Variants in PTPRD observed in about 807,000 individuals in gnomAD.
PTPRD encodes the protein protein tyrosine phosphatase receptor type D.
PTPRD carries 34 observed loss-of-function variants against 214.5 expected under a neutral mutation model. That is an observed-to-expected ratio of 0.16 (90% CI 0.12 to 0.21). The LOEUF is 0.21. Among genes scored for constraint, PTPRD ranks in the 10% least tolerant of loss-of-function variants. The probability of loss-of-function intolerance (pLI) is 1.00; values close to 1 mark genes in which losing one functional copy is unlikely to be tolerated. For synonymous variants in PTPRD, 1,128 were observed against 845.7 expected (o/e 1.33, Z -5.79); for missense variants, 2,545 against 2,398.7 (o/e 1.06, Z -1.27).
intron 11 of PTPRD, among the ~76,000 whole-genome samples, chr9:8,884,590 A>G (rs1054637527): frequency 6.6e-6 from 1 of 152,228 alleles, no homozygotes; most frequent in Non-Finnish European, 1.5e-5. Context: ...GGGAGGGAGC[A>G]GACTAGACTA....
intron 8 of PTPRD, among the ~76,000 whole-genome samples, chr9:9,458,162 A>G (rs1055812196): frequency 6.6e-6 from 1 of 151,918 alleles, no homozygotes; most frequent in Non-Finnish European, 1.5e-5. Flanking sequence ...AGTTCCTTTA[A>G]ATTACACTCT....
intron 3 of PTPRD, among the ~76,000 whole-genome samples, chr9:10,134,568 G>A (rs913534889): frequency 1.2e-4 from 18 of 152,006 alleles, no homozygotes; most frequent in African/African-American, 4.3e-4. Flanking sequence ...CTTCATCTGT[G>A]AAATCCAATG....
At chr9:9,660,993 T>C (rs1170949062) in intron 7 of PTPRD, among the ~76,000 whole-genome samples, 1 of 152,014 alleles carries the variant, frequency 6.6e-6, no homozygotes, top group Non-Finnish European at 1.5e-5. Flanking sequence ...AATAACGCTT[T>C]ATTCAGGTAA....
At chr9:8,852,235 C>G (rs1298940574) in intron 11 of PTPRD, among the ~76,000 whole-genome samples, 1 of 151,922 alleles carries the variant, frequency 6.6e-6, no homozygotes, top group Non-Finnish European at 1.5e-5. Flanking sequence ...GAACATAGCT[C>G]AAGGGATGTT....
intron 12 of PTPRD, among the ~76,000 whole-genome samples, chr9:8,682,889 G>A (rs1280145078): frequency 1.3e-5 from 2 of 151,850 alleles, no homozygotes; most frequent in African/African-American, 2.4e-5. Flanking sequence ...TTATTTTTTT[G>A]TAAGCGAGTT....
intron 14 of PTPRD, among the ~76,000 whole-genome samples, chr9:8,537,300 A>G (rs749606903): frequency 1.2e-4 from 18 of 152,174 alleles, no homozygotes; most frequent in Non-Finnish European, 2.5e-4. Flanking sequence ...TCTAATTACA[A>G]ATCAAATGCT....
intron 2 of PTPRD, among the ~76,000 whole-genome samples, chr9:10,606,380 A>G (rs1181124914): frequency 6.6e-6 from 1 of 151,846 alleles, no homozygotes; most frequent in African/African-American, 2.4e-5. Flanking sequence ...AACTTTGATT[A>G]TAAAGATTTG....
At chr9:9,365,200 C>T (rs1019705479) in intron 9 of PTPRD, among the ~76,000 whole-genome samples, 2 of 151,478 alleles carry the variant, frequency 1.3e-5, no homozygotes, top group Non-Finnish European at 3.0e-5. Context: ...TTCTATGTTA[C>T]AGGGAAGTTG....
chr9:10,066,980 G>A (rs1459682054), intron 3 of PTPRD, among the ~76,000 whole-genome samples: 3 of 151,484 alleles, frequency 2.0e-5, no homozygotes, highest in Admixed American at 6.6e-5. Context: ...AAAAAAATAG[G>A]CTAGGTTTCA....
intron 10 of PTPRD, among the ~76,000 whole-genome samples, chr9:9,172,053 A>G (rs2099921805): frequency 6.6e-6 from 1 of 152,140 alleles, no homozygotes; most frequent in Non-Finnish European, 1.5e-5. Flanking sequence ...TATAAATGGT[A>G]TTACAAATCC....
intron 10 of PTPRD, among the ~76,000 whole-genome samples, chr9:9,029,085 A>G (rs1228142599): frequency 6.6e-6 from 1 of 151,956 alleles, no homozygotes; most frequent in Non-Finnish European, 1.5e-5. Context: ...TATCTCATTC[A>G]TATTAGTCAT....
intron 8 of PTPRD, among the ~76,000 whole-genome samples, chr9:9,414,321 A>T (rs1361378968): frequency 6.6e-6 from 1 of 152,228 alleles, no homozygotes; most frequent in African/African-American, 2.4e-5. Flanking sequence ...TTTCCTTCAT[A>T]AAAGTTGATT....
At chr9:9,537,919 T>C (rs1379419989) in intron 8 of PTPRD, among the ~76,000 whole-genome samples, 1 of 151,968 alleles carries the variant, frequency 6.6e-6, no homozygotes, top group Non-Finnish European at 1.5e-5. Flanking sequence ...TTGGTTTTAA[T>C]ATTTTTCTTT....
chr9:10,202,466 G>T (rs543844010), intron 3 of PTPRD, among the ~76,000 whole-genome samples: 1 of 146,046 alleles, frequency 6.8e-6, no homozygotes, highest in East Asian at 2.0e-4. Flanking sequence ...CATTAGAAAG[G>T]ATACTAAATA....
chr9:8,771,883 G>A (rs994150352), intron 11 of PTPRD, among the ~76,000 whole-genome samples: 7 of 150,026 alleles, frequency 4.7e-5, no homozygotes, highest in Non-Finnish European at 1.0e-4. Flanking sequence ...AAAGCCCAAC[G>A]CAGTGTACCT....
At chr9:8,840,612 T>C (rs1245596823) in intron 11 of PTPRD, among the ~76,000 whole-genome samples, 1 of 152,212 alleles carries the variant, frequency 6.6e-6, no homozygotes, top group East Asian at 1.9e-4. Flanking sequence ...CATATTCAAA[T>C]GGGATGATTT....
intron 5 of PTPRD, among the ~76,000 whole-genome samples, chr9:9,780,016 C>T (rs2098830590): frequency 6.6e-6 from 1 of 152,114 alleles, no homozygotes; most frequent in Non-Finnish European, 1.5e-5. Flanking sequence ...GCCTAGGTGT[C>T]CATCAGTGGA....
chr9:8,556,873 A>G (rs1278033275), intron 14 of PTPRD, among the ~76,000 whole-genome samples: 2 of 152,188 alleles, frequency 1.3e-5, no homozygotes, highest in African/African-American at 4.8e-5. Context: ...GTACAAGGTG[A>G]GTAACCTAAT....
intron 11 of PTPRD, among the ~76,000 whole-genome samples, chr9:8,916,932 G>C (rs1460157664): frequency 1.3e-5 from 2 of 152,008 alleles, no homozygotes; most frequent in Non-Finnish European, 2.9e-5. Context: ...AAAGCAAACA[G>C]TGCACATAAA....
Sources: allele counts gnomAD v4.1 joint callset (sites outside exome capture counted in the v4.1 genomes callset), GRCh38; gene constraint gnomAD v4.1.1; transcripts MANE v1.5; gene names NCBI Gene and HGNC (gene_info 2026-07-23, HGNC 2026-07-21).